Variants in HOGA1 observed in about 807,000 individuals in gnomAD.
The protein encoded by HOGA1 is 4-hydroxy-2-oxoglutarate aldolase, mitochondrial.
HOGA1 carries 30 observed loss-of-function variants against 34.3 expected under a neutral mutation model. The ratio of observed to expected loss-of-function variants is 0.87; its 90% CI spans 0.65 to 1.19. The LOEUF is 1.19. Ranked by LOEUF, HOGA1 falls within the 50% of genes most tolerant of loss-of-function variation. The pLI, the probability that HOGA1 is intolerant of heterozygous loss-of-function variation, is 0.00. For synonymous variants in HOGA1, 161 were observed against 174.0 expected, an observed-to-expected ratio of 0.93 and a Z score of 0.59; for missense variants, 417 against 436.5, an observed-to-expected ratio of 0.96 and a Z score of 0.40.
chr10:97,600,303 A>T, intron 5 of HOGA1, 140 bp downstream of exon 5: 1 of 754,812 alleles, frequency 1.3e-6, no homozygotes, highest in South Asian at 1.4e-5. Context: ...AAAACTCAGA[A>T]ACCTGGCCAC....
chr10:97,595,470 C>A (rs575089921), intron 1 of HOGA1, among the ~76,000 whole-genome samples: 1 of 152,206 alleles, frequency 6.6e-6, no homozygotes, highest in African/African-American at 2.4e-5. Flanking sequence ...CCAAGGCAGG[C>A]GGATCACCTG....
chr10:97,592,509 A>T (rs1195892125), intron 1 of HOGA1, among the ~76,000 whole-genome samples: 2 of 151,802 alleles, frequency 1.3e-5, no homozygotes, highest in Non-Finnish European at 1.5e-5. Flanking sequence ...CAAAGTGCTG[A>T]GATTACAGGT....
Position 97,584,922 on chromosome 10 carries a change from G to A in HOGA1, c.211+8G>A. 1 of 1,613,096 alleles carries A rather than the reference G, an allele frequency of 6.2e-7. No homozygotes were observed. Among genetic ancestry groups the A allele is most frequent in the Non-Finnish European group, 8.5e-7 (1 of 1,179,238 alleles). On this transcript the variant is annotated splice_region_variant and intron_variant, in intron 1 of 6. Transcript: ENST00000370646. ...GCACCTTCCCCTTCCGAGGTAAGTG[G>A]GGCTGTCCTCTGTGGGACCTGGGGA...
At position 97,612,743 on chromosome 10, in the gene HOGA1, C is replaced by A. The variant is rs1489564996; in HGVS notation, c.*1084C>A. 1 of 152,200 alleles carries A rather than the reference C, an allele frequency of 6.6e-6. No individual in the cohort carries two copies. The highest frequency in any genetic ancestry group is 2.4e-5 in the African/African-American group (1 of 41,440). The allele number at this position is 152,200 out of a possible 1,614,324, so 9.4% of individuals were successfully genotyped here. A position where few individuals can be genotyped will look rare whatever the true frequency, so the allele number is the denominator to read the frequency against. ...AGGGCCATCCACTTGCCTACAGGCA[C>A]TCTGCTTTTATTATTAAAAATAGTC... On this transcript the variant is annotated 3_prime_UTR_variant, in exon 7 of 7. Coordinates refer to ENST00000370646, the MANE Select transcript of HOGA1 (RefSeq NM_138413.4).
At position 97,598,837 on chromosome 10, in the gene HOGA1, G is replaced by A. The variant is rs1378319391; in HGVS notation, c.274G>A (p.Val92Met). ...CCTGACCAGCAGTGAGCGCCTCGAG[G>A]TGGTGAGCCGTGTGCGCCAGGCCAT... The part of the protein sequence containing the change: ...PFLTSSERLE[V>M]VSRVRQAMPK... Residue 92 changes from valine to methionine, a missense_variant, in exon 2 of 7, where the codon GTG becomes ATG. Physicochemically the swap from Val to Met is conservative, Grantham distance 21. Coordinates refer to ENST00000370646, the MANE Select transcript of HOGA1 (RefSeq NM_138413.4). 1.2e-6 allele frequency: 2 copies of A among 1,614,078 alleles called. No individual in the cohort carries two copies. The highest frequency in any genetic ancestry group is 2.2e-5 in the East Asian group (1 of 44,904).
intron 1 of HOGA1, among the ~76,000 whole-genome samples, chr10:97,587,500 C>T (rs1406032359): frequency 6.6e-6 from 1 of 152,066 alleles, no homozygotes; most frequent in Non-Finnish European, 1.5e-5. Context: ...GGAAAGCACT[C>T]CCTGAAACTG....
intron 1 of HOGA1, among the ~76,000 whole-genome samples, chr10:97,594,054 A>C (rs2041049651): frequency 6.6e-6 from 1 of 151,300 alleles, no homozygotes; most frequent in Admixed American, 6.6e-5. Flanking sequence ...TTTTTAGTAG[A>C]GATAGCGTTT....
At chr10:97,607,820 CT>C (rs1374096305) in intron 6 of HOGA1, among the ~76,000 whole-genome samples, 1 of 151,964 alleles carries the variant, frequency 6.6e-6, no homozygotes, top group Non-Finnish European at 1.5e-5. Flanking sequence ...TTTTTTCCCC[CT>C]AAGAACATTA....
At chr10:97,608,170 G>T (rs1220902885) in intron 6 of HOGA1, among the ~76,000 whole-genome samples, 1 of 152,124 alleles carries the variant, frequency 6.6e-6, no homozygotes, top group Non-Finnish European at 1.5e-5. Flanking sequence ...AAATTAGCCA[G>T]GTATGAGGGT....
At chr10:97,592,604 TA>T (rs1046830522) in intron 1 of HOGA1, among the ~76,000 whole-genome samples, 6 of 151,176 alleles carry the variant, frequency 4.0e-5, no homozygotes, top group Non-Finnish European at 7.4e-5. Flanking sequence ...TATTTCAAGT[TA>T]AAAAAAAAGT....
At chr10:97,602,223 G>A in intron 6 of HOGA1, 1 of 1,518,178 alleles carries the variant, frequency 6.6e-7, no homozygotes, top group Non-Finnish European at 8.9e-7. Flanking sequence ...TTTCCTTGGG[G>A]GCGAATTAAA....
At chr10:97,592,724 T>C (rs1032287661) in intron 1 of HOGA1, among the ~76,000 whole-genome samples, 1 of 152,000 alleles carries the variant, frequency 6.6e-6, no homozygotes, top group African/African-American at 2.4e-5. Flanking sequence ...GTAAGAATAT[T>C]TTTATTAAAA....
intron 1 of HOGA1, among the ~76,000 whole-genome samples, chr10:97,585,738 CATT>C (rs1459721664): frequency 6.6e-6 from 1 of 152,182 alleles, no homozygotes; most frequent in Non-Finnish European, 1.5e-5. Flanking sequence ...CGCTGACTCT[CATT>C]ATAAACCCTT....
intron 1 of HOGA1, chr10:97,590,529 C>T: frequency 6.2e-7 from 1 of 1,612,408 alleles, no homozygotes. Context: ...CATGGCCACC[C>T]AAGCCACCAG....
At chr10:97,610,856 A>G (rs767101760) in intron 6 of HOGA1, among the ~76,000 whole-genome samples, 4 of 152,198 alleles carry the variant, frequency 2.6e-5, no homozygotes, top group Non-Finnish European at 4.4e-5. Flanking sequence ...TAGGTCCCCC[A>G]TTATCAGGGA....
intron 6 of HOGA1, among the ~76,000 whole-genome samples, chr10:97,605,454 GAAAC>G (rs886869004): frequency 1.5e-4 from 22 of 150,762 alleles, no homozygotes; most frequent in African/African-American, 3.9e-4. Context: ...AAACAAACCC[GAAAC>G]AAACAAACAA....
chr10:97,611,425 T>C (rs2041194739), intron 6 of HOGA1, 85 bp from the exon 7 acceptor site: 1 of 1,493,098 alleles, frequency 6.7e-7, no homozygotes, highest in Non-Finnish European at 9.3e-7. Context: ...AGGACTTCAA[T>C]GTTCTGAAAG....
At chr10:97,609,439 G>A (rs377239869) in intron 6 of HOGA1, among the ~76,000 whole-genome samples, 21 of 152,004 alleles carry the variant, frequency 1.4e-4, no homozygotes, top group South Asian at 4.2e-4. Flanking sequence ...GTGTCATCCC[G>A]CCCTACCCCA....
chr10:97,590,469 C>T, intron 1 of HOGA1: 2 of 1,613,676 alleles, frequency 1.2e-6, no homozygotes, highest in South Asian at 2.2e-5. Flanking sequence ...AACACCATAG[C>T]TGGTGCCAAT....
Sources: allele counts gnomAD v4.1 joint callset (sites outside exome capture counted in the v4.1 genomes callset), GRCh38; gene constraint gnomAD v4.1.1; transcripts MANE v1.5; gene names NCBI Gene and HGNC (gene_info 2026-07-23, HGNC 2026-07-21).